The following NYAP2 variants were observed in gnomAD, a reference collection of about 807,000 sequenced individuals.
NYAP2 encodes neuronal tyrosine-phosphorylated phosphoinositide-3-kinase adaptor 2.
In NYAP2, 23 loss-of-function variants were observed where a neutral mutation model predicts 50.4. The observed-to-expected ratio is 0.46, with a 90% CI of 0.33 to 0.65. NYAP2 has a LOEUF of 0.65. Ranked by LOEUF, NYAP2 falls within the 30% of genes least tolerant of loss-of-function variation. The pLI is 0.02. For synonymous variants in NYAP2, 394 were observed against 365.2 expected, an observed-to-expected ratio of 1.08 and a Z score of -0.90; for missense variants, 885 against 861.0, an observed-to-expected ratio of 1.03 and a Z score of -0.35.
intron 4 of NYAP2, among the ~76,000 whole-genome samples, chr2:225,526,714 C>T (rs1691158359): frequency 6.6e-6 from 1 of 152,132 alleles, no homozygotes; most frequent in Non-Finnish European, 1.5e-5. Flanking sequence ...CCTAGAAGTG[C>T]TCAAAACACT....
chr2:225,612,097 G>A (rs1220023554), intron 5 of NYAP2, among the ~76,000 whole-genome samples: 1 of 147,266 alleles, frequency 6.8e-6, no homozygotes, highest in East Asian at 2.0e-4. Context: ...AACCACTACT[G>A]TGCAGGAGTA....
chr2:225,657,102 C>CTTT (rs375126014), downstream of NYAP2, among the ~76,000 whole-genome samples: 259 of 101,048 alleles, frequency 2.6e-3, 1 homozygote, highest in Middle Eastern at 0.017. Context: ...AATCTAATTC[C>CTTT]TTTTTTTTTT....
the NYAP2 span, among the ~76,000 whole-genome samples, chr2:225,679,536 C>T: frequency 7.5e-6 from 1 of 133,106 alleles, no homozygotes; most frequent in Non-Finnish European, 1.5e-5. Context: ...ACTCTGTTTC[C>T]CAGGCTGCAG....
intron 4 of NYAP2, among the ~76,000 whole-genome samples, chr2:225,580,360 A>T (rs1692250618): frequency 1.3e-5 from 2 of 152,208 alleles, no homozygotes; most frequent in South Asian, 2.1e-4. Flanking sequence ...TGGTTGCTTT[A>T]GGTCCCTCCT....
At chr2:225,484,942 C>T (rs781220131) in intron 3 of NYAP2, among the ~76,000 whole-genome samples, 6 of 152,224 alleles carry the variant, frequency 3.9e-5, no homozygotes, top group Non-Finnish European at 5.9e-5. Context: ...GGGTGAGGCC[C>T]ATCAGTGTGA....
chr2:225,417,167 G>A (rs186589993), intron 3 of NYAP2, among the ~76,000 whole-genome samples: 2 of 152,228 alleles, frequency 1.3e-5, no homozygotes, highest in Admixed American at 1.3e-4. Flanking sequence ...CTATGAGTCA[G>A]GGGACTTTTT....
the NYAP2 span, among the ~76,000 whole-genome samples, chr2:225,697,621 G>C: frequency 1.3e-5 from 2 of 151,784 alleles, no homozygotes; most frequent in Non-Finnish European, 2.9e-5. Context: ...TCACTGAAAA[G>C]TAATTCCAAT....
intron 5 of NYAP2, among the ~76,000 whole-genome samples, chr2:225,605,795 T>TTATTAGCTCTTA (rs1553555195): frequency 6.6e-6 from 1 of 152,184 alleles, no homozygotes; most frequent in African/African-American, 2.4e-5. Context: ...CTCCTATTTA[T>TTATTAGCTCTTA]TTATTTACTT....
chr2:225,684,774 C>T, the NYAP2 span, among the ~76,000 whole-genome samples: 1 of 152,130 alleles, frequency 6.6e-6, no homozygotes, highest in Non-Finnish European at 1.5e-5. Context: ...TGGTCTCGAA[C>T]TCCCGGCCTC....
the NYAP2 span, among the ~76,000 whole-genome samples, chr2:225,677,821 T>A: frequency 6.6e-6 from 1 of 152,140 alleles, no homozygotes; most frequent in Admixed American, 6.5e-5. Context: ...ATTGTTAGTA[T>A]TTTGTAGCGG....
chr2:225,438,409 A>G (rs892990164), intron 3 of NYAP2, among the ~76,000 whole-genome samples: 2 of 152,222 alleles, frequency 1.3e-5, no homozygotes, highest in East Asian at 1.9e-4. Context: ...ATCACAGTGC[A>G]TTGCCTCTGC....
At chr2:225,420,576 G>T (rs1406816295) in intron 3 of NYAP2, among the ~76,000 whole-genome samples, 1 of 150,710 alleles carries the variant, frequency 6.6e-6, no homozygotes, top group Non-Finnish European at 1.5e-5. Context: ...TTTGCACAGG[G>T]AAAGAGGAGT....
At position 225,493,870 on chromosome 2, in the gene NYAP2, G is replaced by A. The variant is rs140864489; in HGVS notation, c.222-19501G>A. ...GAAGTCACGTCAGAGTTGGAAAGAA[G>A]TGCACAAGCAGCTCTGCCAACCCAT... On this transcript the variant is annotated intron_variant, in intron 3 of 6. Coordinates refer to ENST00000636099, the Ensembl canonical transcript of NYAP2. Among the ~76,000 whole-genome samples, 12 of 152,338 alleles carry A rather than the reference G, an allele frequency of 7.9e-5. 1 individual carries two copies. The highest frequency in any genetic ancestry group is 2.9e-4 in the African/African-American group (12 of 41,588).
chr2:225,492,367 C>A lies in NYAP2; in HGVS notation c.222-21004C>A, dbSNP rs563878708. Among the ~76,000 whole-genome samples the A allele has an allele frequency of 2.6e-5, 4 of 152,256 alleles. No homozygotes were observed. In the East Asian group the frequency reaches 7.7e-4, roughly 29 times the overall value. ...CTGCATAACTCTGGGGATAGGTAGG[C>A]CTGCTTCACAACCAACTCAGTTCCA... On this transcript the variant is annotated intron_variant, in intron 3 of 6. Coordinates refer to ENST00000636099, the Ensembl canonical transcript of NYAP2.
chr2:225,410,308 A>T (rs962080771), intron 3 of NYAP2, among the ~76,000 whole-genome samples: 1 of 152,076 alleles, frequency 6.6e-6, no homozygotes. Context: ...TCACAATTGC[A>T]TGTATTTATA....
intron 4 of NYAP2, among the ~76,000 whole-genome samples, chr2:225,536,479 G>C (rs992204206): frequency 2.0e-5 from 3 of 152,108 alleles, no homozygotes; most frequent in Non-Finnish European, 4.4e-5. Context: ...AGAATGTGCT[G>C]ATGGGGTCCT....
chr2:225,561,208 G>A (rs1691866489), intron 4 of NYAP2, among the ~76,000 whole-genome samples: 1 of 151,988 alleles, frequency 6.6e-6, no homozygotes, highest in Admixed American at 6.6e-5. Flanking sequence ...TGAATAAGGT[G>A]GTCATGAGAA....
upstream of NYAP2, among the ~76,000 whole-genome samples, chr2:225,398,945 GCA>G (rs994022000): frequency 2.0e-5 from 3 of 152,024 alleles, no homozygotes; most frequent in Admixed American, 6.6e-5. Flanking sequence ...GAAAATTACA[GCA>G]CAGTCTCAGG....
At chr2:225,668,844 T>G in the NYAP2 span, among the ~76,000 whole-genome samples, 2 of 151,882 alleles carry the variant, frequency 1.3e-5, no homozygotes, top group African/African-American at 4.8e-5. Flanking sequence ...AGTTAACATG[T>G]CTCCATTCAT....
Sources: allele counts gnomAD v4.1 joint callset (sites outside exome capture counted in the v4.1 genomes callset), GRCh38; gene constraint gnomAD v4.1.1; transcripts MANE v1.5; gene names NCBI Gene and HGNC (gene_info 2026-07-23, HGNC 2026-07-21).